The following ACACB variants were observed in gnomAD, a reference collection of about 807,000 sequenced individuals.
ACACB encodes acetyl-CoA carboxylase beta, also known as acetyl-CoA carboxylase 2.
In ACACB, 209 loss-of-function variants were observed where a neutral mutation model predicts 278.8. The observed-to-expected ratio is 0.75, with a 90% CI of 0.67 to 0.84. The LOEUF (loss-of-function observed/expected upper bound fraction) is 0.84. Among genes scored for constraint, ACACB ranks in the 40% least tolerant of loss-of-function variants. The pLI is 0.00. For synonymous variants in ACACB, 1,174 were observed against 1,285.6 expected (o/e 0.91, Z 1.86); for missense variants, 2,850 against 3,269.0 (o/e 0.87, Z 3.13).
At chr12:109,196,798 G>A (rs2136309620) in intron 16 of ACACB, among the ~76,000 whole-genome samples, 2 of 152,288 alleles carry the variant, frequency 1.3e-5, no homozygotes, top group South Asian at 4.1e-4. Flanking sequence ...TACCCACAGG[G>A]CAGGTGTGGC....
In ACACB at chr12:109,235,356, T is replaced by C; in HGVS notation, c.4391T>C (p.Leu1464Ser). 4 of 1,614,116 alleles carry C rather than the reference T, an allele frequency of 2.5e-6. No homozygotes were observed. Among genetic ancestry groups the C allele is most frequent in the South Asian group, 1.1e-5 (1 of 91,086 alleles). ...VDYGLRRITF[L>S]IAQEKEFPKF... is the part of the protein sequence containing the mutation. ...TATGGACTCCGACGAATCACATTCT[T>C]GATTGCCCAAGAGGTTAGTTCACAG... Residue 1464 changes from leucine (L) to serine (S), a missense_variant, in exon 32 of 53, where the codon TTG (leucine) becomes TCG (serine). This residue lies in a region of ACACB where 2,265 missense variants were observed against 2,561.3 expected (regional missense o/e 0.88). Transcript: ENST00000338432.
At position 109,261,421 on chromosome 12, in the gene ACACB, A is replaced by G. The variant is rs866964806; in HGVS notation, c.6674+764A>G. 3.3e-5 allele frequency among the ~76,000 whole-genome samples: 5 copies of G among 152,198 alleles called. 1 individual carries two copies. Among genetic ancestry groups the G allele is most frequent in the Admixed American group, 1.3e-4 (2 of 15,270 alleles). The stretch of plus-strand genomic sequence containing the variant: ...TAGGGACTGCTGAGGTCAGTCCTCC[A>G]GGAAGACTCAGGATACTGAGCAGCA... On this transcript the variant is annotated intron_variant, in intron 48 of 52. Coordinates refer to ENST00000338432, the MANE Select transcript of ACACB (RefSeq NM_001093.4).
At chr12:109,132,322 G>A (rs779858730) in intron 1 of ACACB, among the ~76,000 whole-genome samples, 2 of 152,114 alleles carry the variant, frequency 1.3e-5, no homozygotes, top group South Asian at 2.1e-4. Flanking sequence ...GCACCACCAC[G>A]CCCAGCTAAT....
At chr12:109,167,645 A>G (rs567708484) in intron 3 of ACACB, among the ~76,000 whole-genome samples, 40 of 138,136 alleles carry the variant, frequency 2.9e-4, no homozygotes, top group African/African-American at 8.2e-4. Flanking sequence ...ATATATATAT[A>G]TATATATATT....
chr12:109,170,018 G>A (rs139892990), intron 4 of ACACB, among the ~76,000 whole-genome samples: 1 of 152,352 alleles, frequency 6.6e-6, no homozygotes, highest in African/African-American at 2.4e-5. Context: ...CAACCCCTGT[G>A]TTTGGATTGA....
chr12:109,202,660 A>G (rs1459694129), intron 19 of ACACB, among the ~76,000 whole-genome samples: 3 of 152,154 alleles, frequency 2.0e-5, no homozygotes, highest in Non-Finnish European at 2.9e-5. Context: ...TAATTTAACT[A>G]TTATTGCACG....
At position 109,197,218 on chromosome 12, in the gene ACACB, AAC is replaced by A. The variant is rs1461755519; in HGVS notation, c.2627+69_2627+70del. On this transcript the variant is annotated intron_variant, in intron 17 of 52. Transcript: ENST00000338432. ...ACAGCTCTCTGTCCTAGGCATGGAA[AAC>A]ACAGCACTGGCCTGTGTGCAGGTCC... 20 of 1,553,228 alleles carry A rather than the reference AAC, an allele frequency of 1.3e-5. No individual in the cohort carries two copies. The East Asian group carries it at 3.0e-4, about 23-fold the overall frequency.
In ACACB at chr12:109,149,490, G is replaced by A. The variant is rs7310798; in HGVS notation, c.653+9432G>A. Among the ~76,000 whole-genome samples the A allele has an allele frequency of 6.9e-3, 1,056 of 152,186 alleles. 21 individuals are homozygous for A. The highest frequency in any genetic ancestry group is 0.024 in the African/African-American group (988 of 41,534). ...TGTTAATTTACAGGCAGGCTGAAGC[G>A]GGAGGATCGTTTGAGCCCAGGAGTT... On this transcript the variant is annotated intron_variant, in intron 2 of 52. Transcript: ENST00000338432.
intron 19 of ACACB, among the ~76,000 whole-genome samples, chr12:109,206,279 C>CA (rs1335659611): frequency 3.3e-5 from 5 of 151,872 alleles, no homozygotes; most frequent in African/African-American, 4.8e-5. Context: ...ACTAAAAATA[C>CA]AAAAATTAGC....
chr12:109,135,980 T>C (rs1010971910), intron 1 of ACACB, among the ~76,000 whole-genome samples: 1 of 151,558 alleles, frequency 6.6e-6, no homozygotes, highest in South Asian at 2.1e-4. Context: ...TGGCTAAATT[T>C]TTTTGTATTT....
chr12:109,117,047 CTTT>C (rs71747045), intron 1 of ACACB, among the ~76,000 whole-genome samples: 8 of 109,070 alleles, frequency 7.3e-5, no homozygotes, highest in Non-Finnish European at 1.3e-4. Flanking sequence ...AATGGTTGTT[CTTT>C]TTTTTTTTTT....
upstream of ACACB, among the ~76,000 whole-genome samples, chr12:109,115,412 A>G (rs2042384264): frequency 2.0e-5 from 3 of 152,316 alleles, no homozygotes; most frequent in African/African-American, 7.2e-5. Flanking sequence ...TTTCAATGGA[A>G]TTTTATAAAA....
intron 2 of ACACB, among the ~76,000 whole-genome samples, chr12:109,143,116 A>C (rs973181426): frequency 6.6e-6 from 1 of 152,040 alleles, no homozygotes; most frequent in African/African-American, 2.4e-5. Context: ...TGCTGCATGA[A>C]CTTGGGTGAG....
chr12:109,242,150 G>A (rs1565963018), intron 36 of ACACB: 3 of 344,592 alleles, frequency 8.7e-6, no homozygotes, highest in East Asian at 5.6e-5. Flanking sequence ...CACTGACCAC[G>A]TTCGGATTTC....
rs1296512808 is a variant in ACACB, at chr12:109,174,250, C to T, written c.1216+20C>T. ...GAAGCGGTAAGGGACCCCGAGCTTC[C>T]CTCTGGGGGAGCTTCTCAGCCCAGT... On this transcript the variant is annotated intron_variant, in intron 7 of 52. Coordinates refer to ENST00000338432, the MANE Select transcript of ACACB (RefSeq NM_001093.4). 1 of 1,590,368 alleles carries T rather than the reference C, an allele frequency of 6.3e-7. No homozygotes were observed. The highest frequency in any genetic ancestry group is 8.6e-7 in the Non-Finnish European group (1 of 1,166,216).
At chr12:109,115,457 CAT>C (rs1348579437), upstream of ACACB, among the ~76,000 whole-genome samples, 3 of 152,188 alleles carry the variant, frequency 2.0e-5, no homozygotes, top group East Asian at 5.8e-4. Flanking sequence ...TCCCTGGAAA[CAT>C]AGGTTTGTTT....
Position 109,240,001 on chromosome 12 carries a change from G to A in ACACB, c.4818+16G>A, listed in dbSNP as rs1202217505. The A allele has an allele frequency of 1.2e-6, 2 of 1,610,866 alleles. No individual in the cohort carries two copies. The highest frequency in any genetic ancestry group is 1.7e-6 in the Non-Finnish European group (2 of 1,178,300). The stretch of plus-strand genomic sequence containing the variant: ...CCCCTTCAAGGTCTCGCCTTTGCAG[G>A]GGGGCTCTCACCGGGCTCTGGGTTC... On this transcript the variant is annotated intron_variant, in intron 35 of 52. Transcript: ENST00000338432.
chr12:109,226,729 A>C, intron 27 of ACACB, among the ~76,000 whole-genome samples: 1 of 150,552 alleles, frequency 6.6e-6, no homozygotes, highest in East Asian at 1.9e-4. Flanking sequence ...AGAAGAATGC[A>C]GCCACACCCA....
rs548104641 is a variant in ACACB, at chr12:109,174,719, A to T, written c.1216+489A>T. Among the ~76,000 whole-genome samples, 7 of 151,624 alleles carry T rather than the reference A, an allele frequency of 4.6e-5. No homozygotes were observed. In the East Asian group the frequency reaches 1.4e-3, roughly 29 times the overall value. On this transcript the variant is annotated intron_variant, in intron 7 of 52. Transcript: ENST00000338432. ...CTCCAGAAAAAGTAAAAAAAAAAAA[A>T]ATTAACTGGTTATGGTGGTGCATAC...
Sources: allele counts gnomAD v4.1 joint callset (sites outside exome capture counted in the v4.1 genomes callset), GRCh38; gene constraint gnomAD v4.1.1; regional missense constraint gnomAD v4.1.1; transcripts MANE v1.5; gene names NCBI Gene and HGNC (gene_info 2026-07-23, HGNC 2026-07-21).